Variants in LMAN2 observed in about 807,000 individuals in gnomAD.
The protein encoded by LMAN2 is vesicular integral-membrane protein VIP36.
A neutral mutation model predicts 39.3 loss-of-function variants in LMAN2; 22 were observed. The observed-to-expected ratio is 0.56, with a 90% CI of 0.40 to 0.80. LMAN2 has a LOEUF of 0.80. LMAN2 is among the 30% of genes least tolerant of loss of function. The pLI, the probability that LMAN2 is intolerant of heterozygous loss-of-function variation, is 0.00. For synonymous variants in LMAN2, 207 were observed against 207.8 expected (o/e 1.00, Z 0.03); for missense variants, 494 against 505.4 (o/e 0.98, Z 0.22).
intron 6 of LMAN2, chr5:177,334,610 A>C: frequency 1.7e-6 from 1 of 571,968 alleles, no homozygotes; most frequent in Non-Finnish European, 3.0e-6. Context: ...GAGTGGAGAG[A>C]AAACAGTAAG....
rs771099552 is a variant in LMAN2 at position 177,337,689 on chromosome 5, A to T, written c.513+17T>A. ...AGTCCTTCCTTTCCTGCTCAGCAGG[A>T]TAGAGCAGGGGCCTACCTCAGTGGT... On this transcript the variant is annotated intron_variant, in intron 4 of 7. Coordinates refer to ENST00000303127, the MANE Select transcript of LMAN2 (RefSeq NM_006816.3). This position sits in a 1 kb window ranked among gnomAD's most constrained non-coding sequence, Gnocchi z 8.2. 6.2e-7 allele frequency: 1 copy of T among 1,612,806 alleles called. No homozygotes were observed. The highest frequency in any genetic ancestry group is 1.1e-5 in the South Asian group (1 of 90,988).
rs1761716712 is a variant in LMAN2 at position 177,351,165 on chromosome 5, C to T, written c.315+8G>A. ...CACAGTACGCCTATCCTCTTGAGAA[C>T]CACTCACCTGGTGGTTCCAGATAGA... On this transcript the variant is annotated splice_region_variant and intron_variant, in intron 2 of 7. Coordinates refer to ENST00000303127, the MANE Select transcript of LMAN2 (RefSeq NM_006816.3). 6.2e-7 allele frequency: 1 copy of T among 1,613,452 alleles called. No individual in the cohort carries two copies.
At chr5:177,351,149 C>T (rs751804872) in intron 2 of LMAN2, 24 bp downstream of exon 2, 1 of 1,606,782 alleles carries the variant, frequency 6.2e-7, no homozygotes, top group Admixed American at 1.7e-5. Context: ...GCACAGTACG[C>T]CTATCCTCTT....
chr5:177,350,980 T>A (rs928849519), intron 2 of LMAN2, among the ~76,000 whole-genome samples, 193 bp downstream of exon 2: 1 of 152,146 alleles, frequency 6.6e-6, no homozygotes, highest in Non-Finnish European at 1.5e-5. Flanking sequence ...ATGTAAAGTG[T>A]CAAGCGCAGC....
Position 177,331,788 on chromosome 5 carries a change from T to A in LMAN2, c.*298A>T, listed in dbSNP as rs753469588. 2 of 285,394 alleles carry A rather than the reference T, an allele frequency of 7.0e-6. No homozygotes were observed. Among genetic ancestry groups the A allele is most frequent in the Non-Finnish European group, 1.3e-5 (2 of 151,240 alleles). The allele number at this position is 285,394 out of a possible 1,614,324, so 17.7% of individuals were successfully genotyped here. A position where few individuals can be genotyped will look rare whatever the true frequency, so the allele number is the denominator to read the frequency against. ...CACCCCAGTGTGGTCCGGGGGACCCTCCAGTGTTCAACAGCTGCCTGCAGG... is the reference window on the plus strand; with the variant it reads ...CACCCCAGTGTGGTCCGGGGGACCCACCAGTGTTCAACAGCTGCCTGCAGG... On this transcript the variant is annotated 3_prime_UTR_variant, in exon 8 of 8. Transcript: ENST00000303127.
intron 2 of LMAN2, among the ~76,000 whole-genome samples, chr5:177,339,763 G>A (rs1312485772): frequency 6.6e-6 from 1 of 152,120 alleles, no homozygotes; most frequent in Non-Finnish European, 1.5e-5. Flanking sequence ...ATTCTGGGAG[G>A]GGGATTATGG....
rs773928082 is a variant in LMAN2 at position 177,334,409 on chromosome 5, G to A, written c.791-6C>T. On this transcript the variant is annotated splice_polypyrimidine_tract_variant and splice_region_variant and intron_variant, in intron 6 of 7. Coordinates refer to ENST00000303127, the MANE Select transcript of LMAN2 (RefSeq NM_006816.3). ...GGAGATGATGTCATGATTGTCTGCA[G>A]GACCAAGAATAAACCTGTGACAGCC... is the stretch of plus-strand genomic sequence containing the variant. 2 of 1,611,634 alleles carry A rather than the reference G, an allele frequency of 1.2e-6. No individual in the cohort carries two copies. Among genetic ancestry groups the A allele is most frequent in the Non-Finnish European group, 1.7e-6 (2 of 1,179,556 alleles).
chr5:177,347,002 T>C (rs1477325025), intron 2 of LMAN2, among the ~76,000 whole-genome samples: 1 of 152,120 alleles, frequency 6.6e-6, no homozygotes, highest in African/African-American at 2.4e-5. Context: ...TCCACATTCA[T>C]AAGCACAAAC....
rs777343575 is a variant in LMAN2, at chr5:177,332,283, AC to A, written c.911-38del. On this transcript the variant is annotated intron_variant, in intron 7 of 7. Coordinates refer to ENST00000303127, the MANE Select transcript of LMAN2 (RefSeq NM_006816.3). The surrounding 1 kb of genome is among the most constrained non-coding windows in gnomAD (Gnocchi z 6.3). ...GAAACGGGGGAGCTGAAACGGCAGC[AC>A]GGGCCGGGGATCAGGGGGCTGCAGG... 6.3e-7 allele frequency: 1 copy of A among 1,598,894 alleles called. No individual in the cohort carries two copies. The highest frequency in any genetic ancestry group is 2.2e-5 in the East Asian group (1 of 44,604).
chr5:177,344,080 C>T (rs951468289), intron 2 of LMAN2, among the ~76,000 whole-genome samples: 1 of 151,336 alleles, frequency 6.6e-6, no homozygotes, highest in Non-Finnish European at 1.5e-5. Context: ...TAGCCAGGCA[C>T]AATAGCACAT....
At chr5:177,336,082 C>T (rs1040502247) in intron 6 of LMAN2, among the ~76,000 whole-genome samples, 2 of 152,190 alleles carry the variant, frequency 1.3e-5, no homozygotes, top group African/African-American at 2.4e-5. Flanking sequence ...ACTCGGTAGA[C>T]TCAAAGATGG....
Position 177,337,788 on chromosome 5 carries a change from A to AG in LMAN2, c.434-4dup. 1 of 1,613,626 alleles carries AG rather than the reference A, an allele frequency of 6.2e-7. No homozygotes were observed. Among genetic ancestry groups the AG allele is most frequent in the Non-Finnish European group, 8.5e-7 (1 of 1,179,802 alleles). On this transcript the variant is annotated splice_polypyrimidine_tract_variant and splice_region_variant and intron_variant, in intron 3 of 7. Coordinates refer to ENST00000303127, the MANE Select transcript of LMAN2 (RefSeq NM_006816.3). This position sits in a 1 kb window ranked among gnomAD's most constrained non-coding sequence, Gnocchi z 8.2. ...ATCTTTGCTTCCAAACACAGGCCCTAGAATTATAAGCAGATGCTCTCAGAA... is the reference window on the plus strand; with the variant it reads ...ATCTTTGCTTCCAAACACAGGCCCTAGGAATTATAAGCAGATGCTCTCAGAA...
intron 2 of LMAN2, among the ~76,000 whole-genome samples, chr5:177,344,096 G>A (rs1230391040): frequency 2.0e-5 from 3 of 151,152 alleles, no homozygotes; most frequent in African/African-American, 4.9e-5. Context: ...CACATGCCTT[G>A]TAATCCCAGC....
In LMAN2 at chr5:177,337,788, A is replaced by G; in HGVS notation, c.434-3T>C. On this transcript the variant is annotated splice_region_variant and splice_polypyrimidine_tract_variant and intron_variant, in intron 3 of 7. Coordinates refer to ENST00000303127, the MANE Select transcript of LMAN2 (RefSeq NM_006816.3). The surrounding 1 kb of genome is among the most constrained non-coding windows in gnomAD (Gnocchi z 8.2). ...ATCTTTGCTTCCAAACACAGGCCCT[A>G]GAATTATAAGCAGATGCTCTCAGAA... 2 of 1,613,626 alleles carry G rather than the reference A, an allele frequency of 1.2e-6. No individual in the cohort carries two copies. The highest frequency in any genetic ancestry group is 1.7e-6 in the Non-Finnish European group (2 of 1,179,802).
In LMAN2 at chr5:177,349,215, C is replaced by G. The variant is rs538169862; in HGVS notation, c.315+1958G>C. Among the ~76,000 whole-genome samples, 111 of 152,262 alleles carry G rather than the reference C, an allele frequency of 7.3e-4. 3 individuals carry two copies. Among genetic ancestry groups the G allele is most frequent in the Admixed American group, 4.4e-3 (68 of 15,292 alleles). ...GAGCCACTCCTTCATCTAGACCACC[C>G]CCCCTGCACCACAGCAGGAGCTATT... is the stretch of plus-strand genomic sequence containing the variant. On this transcript the variant is annotated intron_variant, in intron 2 of 7. Transcript: ENST00000303127.
At chr5:177,338,381 C>T (rs573544605) in intron 3 of LMAN2, 107 bp downstream of exon 3, 7 of 827,602 alleles carry the variant, frequency 8.5e-6, no homozygotes, top group South Asian at 4.3e-5. Flanking sequence ...GGAGAGGAGA[C>T]GCTGGTCCCC....
chr5:177,334,943 C>T (rs1761446841), intron 6 of LMAN2, among the ~76,000 whole-genome samples: 1 of 152,194 alleles, frequency 6.6e-6, no homozygotes, highest in African/African-American at 2.4e-5. Flanking sequence ...GGGCCTGAGC[C>T]TAACGCAGGT....
At chr5:177,347,712 G>A (rs1007680696) in intron 2 of LMAN2, among the ~76,000 whole-genome samples, 1 of 152,182 alleles carries the variant, frequency 6.6e-6, no homozygotes, top group African/African-American at 2.4e-5. Flanking sequence ...GAATGCAGAT[G>A]TAATCAACAG....
intron 2 of LMAN2, among the ~76,000 whole-genome samples, chr5:177,340,864 C>A (rs1761541085): frequency 6.6e-6 from 1 of 151,480 alleles, no homozygotes; most frequent in Non-Finnish European, 1.5e-5. Flanking sequence ...ACGCCATTCT[C>A]CTGCCTCAGC....
Sources: allele counts gnomAD v4.1 joint callset (sites outside exome capture counted in the v4.1 genomes callset), GRCh38; gene constraint gnomAD v4.1.1; non-coding constraint Gnocchi (gnomAD v3.1); transcripts MANE v1.5; gene names NCBI Gene and HGNC (gene_info 2026-07-23, HGNC 2026-07-21).